Variants in MARK3 observed in about 807,000 individuals in gnomAD.
The protein encoded by MARK3 is microtubule affinity regulating kinase 3.
MARK3 carries 46 observed loss-of-function variants against 90.1 expected under a neutral mutation model. The ratio of observed to expected loss-of-function variants is 0.51; its 90% CI spans 0.40 to 0.65. The LOEUF (loss-of-function observed/expected upper bound fraction) is 0.65. Among genes scored for constraint, MARK3 ranks in the 30% least tolerant of loss-of-function variants. The pLI, the probability that MARK3 is intolerant of heterozygous loss-of-function variation, is 0.00. For synonymous variants in MARK3, 321 were observed against 332.6 expected (o/e 0.97, Z 0.38); for missense variants, 818 against 947.2 (o/e 0.86, Z 1.79).
intron 2 of MARK3, among the ~76,000 whole-genome samples, chr14:103,424,731 A>AGT (rs2092344505): frequency 1.3e-5 from 2 of 152,278 alleles, no homozygotes; most frequent in South Asian, 4.1e-4. Context: ...GCCAGAAAAG[A>AGT]GTGTGTATGT....
At position 103,480,505 on chromosome 14, in the gene MARK3, C is replaced by T. The variant is rs1692953040; in HGVS notation, c.1586+15C>T. On this transcript the variant is annotated intron_variant, in intron 14 of 17. Coordinates refer to ENST00000429436, the MANE Select transcript of MARK3 (RefSeq NM_001128918.3). ...AAAGAAAACAGGTAGGAGATTCTAC[C>T]TGTTTGTAAGAAAAGTTGTTTTTCC... is the stretch of plus-strand genomic sequence containing the variant. The T allele has an allele frequency of 6.6e-7, 1 of 1,522,792 alleles. No homozygotes were observed. The highest frequency in any genetic ancestry group is 9.0e-7 in the Non-Finnish European group (1 of 1,105,390). The allele number at this position is 1,522,792 out of a possible 1,614,324, so 94.3% of individuals were successfully genotyped here.
chr14:103,472,060 A>G (rs1489559495), intron 12 of MARK3, among the ~76,000 whole-genome samples: 1 of 149,858 alleles, frequency 6.7e-6, no homozygotes, highest in Non-Finnish European at 1.5e-5. Context: ...AAATAGAAAA[A>G]ATTAGCCAGG....
At chr14:103,412,057 T>G (rs2091670686) in intron 2 of MARK3, 7 of 406,594 alleles carry the variant, frequency 1.7e-5, no homozygotes, top group Admixed American at 4.5e-5. Flanking sequence ...TTTCATGGGA[T>G]TAGTTGGTTT....
chr14:103,407,812 A>G (rs1048585191), intron 2 of MARK3, among the ~76,000 whole-genome samples: 2 of 151,646 alleles, frequency 1.3e-5, no homozygotes, highest in Non-Finnish European at 2.9e-5. Flanking sequence ...GCCCGCCTCA[A>G]CCTCCCAAAA....
chr14:103,385,895 T>C lies in MARK3; in HGVS notation c.-135T>C. On this transcript the variant is annotated 5_prime_UTR_variant, in exon 1 of 18. Transcript: ENST00000429436. The stretch of plus-strand genomic sequence containing the variant: ...GCCAGGCCCGGGATCTAGACGGCCG[T>C]AGGGGGAAGGGAGCCGCCCTCCCCA... 1.6e-6 allele frequency: 1 copy of C among 622,712 alleles called. No homozygotes were observed. The highest frequency in any genetic ancestry group is 1.6e-5 in the South Asian group (1 of 62,404). 38.6% of individuals were successfully genotyped at this position (622,712 alleles called of 1,614,324 possible).
At chr14:103,463,043 G>C (rs115797009) in intron 7 of MARK3, among the ~76,000 whole-genome samples, 3 of 152,036 alleles carry the variant, frequency 2.0e-5, no homozygotes, top group African/African-American at 4.8e-5. Flanking sequence ...TCCCTCTGGG[G>C]GCTGTGCTCT....
intron 2 of MARK3, 93 bp downstream of exon 2, chr14:103,405,360 CT>C: frequency 9.5e-5 from 97 of 1,023,094 alleles, no homozygotes; most frequent in Non-Finnish European, 1.1e-4. Context: ...GGCCTTATTT[CT>C]TTTTTTTAAG....
chr14:103,419,574 G>T (rs182983122), intron 2 of MARK3, among the ~76,000 whole-genome samples: 17 of 152,244 alleles, frequency 1.1e-4, no homozygotes, highest in African/African-American at 4.1e-4. Context: ...TCCTGTGTCT[G>T]CTCTGCATTC....
intron 14 of MARK3, among the ~76,000 whole-genome samples, chr14:103,486,504 A>AT (rs967669456): frequency 5.9e-5 from 9 of 152,172 alleles, no homozygotes; most frequent in East Asian, 3.8e-4. Flanking sequence ...CTTTAAAAAA[A>AT]TTTTTTAATT....
chr14:103,452,471 C>CTTTT (rs71126026), intron 5 of MARK3, among the ~76,000 whole-genome samples: 17,638 of 97,330 alleles, frequency 0.18, 4,459 homozygotes, highest in Non-Finnish European at 0.29. Flanking sequence ...CAGGATTTGT[C>CTTTT]TTTTTTTTTT....
chr14:103,390,431 A>T (rs549437803), intron 1 of MARK3, among the ~76,000 whole-genome samples: 21 of 151,716 alleles, frequency 1.4e-4, no homozygotes, highest in African/African-American at 4.8e-4. Context: ...CCACAAGGAG[A>T]TGTAGTTGTA....
intron 1 of MARK3, among the ~76,000 whole-genome samples, chr14:103,394,789 TTTTC>T (rs2090474293): frequency 6.6e-6 from 1 of 152,178 alleles, no homozygotes; most frequent in Admixed American, 6.5e-5. Context: ...CTCTAGTCTT[TTTTC>T]TTTTTTTGTG....
chr14:103,392,629 C>G (rs1039236427), intron 1 of MARK3, among the ~76,000 whole-genome samples: 3 of 152,058 alleles, frequency 2.0e-5, no homozygotes, highest in African/African-American at 7.2e-5. Flanking sequence ...AGGAAGATTT[C>G]CAGACCATTT....
chr14:103,412,385 G>A (rs940757729), intron 2 of MARK3: 5 of 620,248 alleles, frequency 8.1e-6, no homozygotes, highest in Non-Finnish European at 1.4e-5. Context: ...TACTGCCTTT[G>A]TTAGGCCTAT....
intron 5 of MARK3, among the ~76,000 whole-genome samples, chr14:103,452,633 G>A (rs972595974): frequency 4.0e-5 from 6 of 150,830 alleles, no homozygotes; most frequent in African/African-American, 1.5e-4. Flanking sequence ...TACTACGCCC[G>A]GCTAATTTTT....
chr14:103,490,869 T>G (rs1041624189), intron 14 of MARK3: 6 of 798,724 alleles, frequency 7.5e-6, no homozygotes, highest in Non-Finnish European at 9.5e-6. Flanking sequence ...GAGGAAGGTG[T>G]GTGCATTACA....
At chr14:103,409,088 A>G (rs540619652) in intron 2 of MARK3, among the ~76,000 whole-genome samples, 2 of 152,146 alleles carry the variant, frequency 1.3e-5, no homozygotes, top group Non-Finnish European at 2.9e-5. Flanking sequence ...CCTGATTTAC[A>G]TTATCTAGAG....
At chr14:103,389,016 A>C (rs35014553) in intron 1 of MARK3, among the ~76,000 whole-genome samples, 5,828 of 152,086 alleles carry the variant, frequency 0.038, 397 homozygotes, top group African/African-American at 0.13. Context: ...ATCTTATTTA[A>C]ATTTTAAGTA....
chr14:103,468,320 T>TCA, intron 12 of MARK3, 134 bp downstream of exon 12: 3 of 429,752 alleles, frequency 7.0e-6, no homozygotes, highest in East Asian at 5.3e-5. Flanking sequence ...TCTTCTTTTT[T>TCA]TTTTTTTTTT....
Sources: allele counts gnomAD v4.1 joint callset (sites outside exome capture counted in the v4.1 genomes callset), GRCh38; gene constraint gnomAD v4.1.1; transcripts MANE v1.5; gene names NCBI Gene and HGNC (gene_info 2026-07-23, HGNC 2026-07-21).